AACS: variants seen among roughly 807,000 people sequenced by gnomAD.
The protein encoded by AACS is acetoacetyl-CoA synthetase.
In AACS, 69 loss-of-function variants were observed where a neutral mutation model predicts 83.1. That is an observed-to-expected ratio of 0.83 (90% CI 0.68 to 1.01). The LOEUF (loss-of-function observed/expected upper bound fraction) is 1.01, where lower values mean the gene tolerates loss of function less well. AACS is among the 50% of genes least tolerant of loss of function. The pLI is 0.00. For missense variants in AACS, 866 were observed against 882.2 expected, an observed-to-expected ratio of 0.98 and a Z score of 0.23; for synonymous variants, 333 against 343.4, an observed-to-expected ratio of 0.97 and a Z score of 0.33.
At chr12:125,105,407 G>A (rs534520910) in intron 7 of AACS, 2 of 152,208 alleles carry the variant, frequency 1.3e-5, no homozygotes, top group East Asian at 1.9e-4. Context: ...GGACCCTGCC[G>A]ACCTTAATAA....
chr12:125,086,376 G>A lies in AACS; in HGVS notation c.405G>A (p.Arg135=), dbSNP rs1956339600. The change falls in exon 4 of 18, where the codon AGG becomes AGA. Residue 135 remains arginine, a synonymous_variant. Transcript: ENST00000316519. ...EIVKVTFEEL[R]QEVALFAAAM... The stretch of plus-strand genomic sequence containing the variant: ...TGAAGGTGACTTTTGAAGAGCTGAG[G>A]CAAGAAGTGGCTTTGTTTGCAGCAG... 3 of 1,614,100 alleles carry A rather than the reference G, an allele frequency of 1.9e-6. No individual in the cohort carries two copies. The highest frequency in any genetic ancestry group is 1.7e-5 in the Admixed American group (1 of 60,006).
intron 14 of AACS, among the ~76,000 whole-genome samples, chr12:125,133,215 G>A (rs1046242186): frequency 6.6e-6 from 1 of 152,186 alleles, no homozygotes; most frequent in Non-Finnish European, 1.5e-5. Context: ...CTGCTCCCTT[G>A]GTGACTCTCT....
chr12:125,096,175 A>G lies in AACS; in HGVS notation c.570+4652A>G, dbSNP rs1214249375. ...GAGACGGGGTTTCACCATGTTAGCC[A>G]GGCTGGTCTCGATCTCCTGACCTCG... On this transcript the variant is annotated intron_variant, in intron 5 of 17. Transcript: ENST00000316519. Among the ~76,000 whole-genome samples the G allele has an allele frequency of 2.0e-5, 3 of 152,312 alleles. 1 individual carries two copies. The highest frequency in any genetic ancestry group is 1.3e-4 in the Admixed American group (2 of 15,306).
chr12:125,088,681 C>A (rs1034941628), intron 4 of AACS, among the ~76,000 whole-genome samples: 1 of 152,154 alleles, frequency 6.6e-6, no homozygotes, highest in Non-Finnish European at 1.5e-5. Flanking sequence ...TTAAAAAAAT[C>A]TTTTGAAGCA....
chr12:125,082,806 G>C (rs1474044132), intron 3 of AACS, among the ~76,000 whole-genome samples: 1 of 152,112 alleles, frequency 6.6e-6, no homozygotes, highest in African/African-American at 2.4e-5. Flanking sequence ...GGGTGACAGA[G>C]CGAGACTCTG....
rs753261331 is a variant in AACS, at chr12:125,086,434, C to T, written c.463C>T (p.Arg155Trp). Residue 155 changes from arginine to tryptophan, a missense_variant, in exon 4 of 18, where the codon CGG becomes TGG. By Grantham distance (101) the Arg-to-Trp change is moderately radical. Coordinates refer to ENST00000316519, the MANE Select transcript of AACS (RefSeq NM_023928.5). ...MRKMGVKKGDRVVGYLPNSEH... is the reference protein window; with the variant it reads ...MRKMGVKKGDWVVGYLPNSEH... ...GAAAATGGGTGTGAAGAAAGGAGATCGGGTTGTTGGTAAGTATTTTGGGTG... is the reference window on the plus strand; with the variant it reads ...GAAAATGGGTGTGAAGAAAGGAGATTGGGTTGTTGGTAAGTATTTTGGGTG... 1.4e-5 allele frequency: 23 copies of T among 1,613,844 alleles called. No homozygotes were observed. The highest frequency in any genetic ancestry group is 8.9e-5 in the East Asian group (4 of 44,880).
intron 1 of AACS, among the ~76,000 whole-genome samples, chr12:125,072,120 G>A (rs965394691): frequency 6.6e-6 from 1 of 150,654 alleles, no homozygotes; most frequent in African/African-American, 2.4e-5. Flanking sequence ...GCCTCCCAAA[G>A]GGTTGGGATT....
intron 6 of AACS, 22 bp downstream of exon 6, chr12:125,102,815 C>A: frequency 6.2e-7 from 1 of 1,605,818 alleles, no homozygotes; most frequent in South Asian, 1.1e-5. Context: ...TTCCGGCTCC[C>A]AGCCGGCATG....
intron 4 of AACS, among the ~76,000 whole-genome samples, chr12:125,090,544 A>T (rs1400013145): frequency 6.7e-6 from 1 of 149,616 alleles, no homozygotes; most frequent in Non-Finnish European, 1.5e-5. Flanking sequence ...TTCACTCATT[A>T]TCCATTCATC....
At chr12:125,079,693 CCTTT>C (rs1956121242) in intron 3 of AACS, among the ~76,000 whole-genome samples, 3 of 152,130 alleles carry the variant, frequency 2.0e-5, no homozygotes, top group Non-Finnish European at 4.4e-5. Flanking sequence ...CCAGCCAGCT[CCTTT>C]CTTCCAATTA....
At chr12:125,087,890 C>T (rs1438080292) in intron 4 of AACS, among the ~76,000 whole-genome samples, 1 of 152,216 alleles carries the variant, frequency 6.6e-6, no homozygotes, top group East Asian at 1.9e-4. Flanking sequence ...CCGGCTGCCT[C>T]CTGTCTCAGC....
chr12:125,126,397 T>A (rs1957245371), intron 12 of AACS: 1 of 152,158 alleles, frequency 6.6e-6, no homozygotes, highest in African/African-American at 2.4e-5. Flanking sequence ...GAAGCCGACG[T>A]CGTTCCCTTC....
chr12:125,075,109 G>A (rs1222762262), intron 2 of AACS, among the ~76,000 whole-genome samples: 1 of 151,578 alleles, frequency 6.6e-6, no homozygotes, highest in African/African-American at 2.4e-5. Context: ...CGAGTAGCTG[G>A]GATTACAGGC....
intron 3 of AACS, 135 bp downstream of exon 3, chr12:125,076,746 G>A: frequency 5.7e-6 from 8 of 1,401,308 alleles, no homozygotes; most frequent in Non-Finnish European, 7.7e-6. Flanking sequence ...TAAGATTTCT[G>A]TCGACTTTAT....
At chr12:125,109,195 G>A (rs1200390374) in intron 8 of AACS, among the ~76,000 whole-genome samples, 2 of 150,960 alleles carry the variant, frequency 1.3e-5, no homozygotes, top group Admixed American at 6.6e-5. Flanking sequence ...GCAGTGGCGT[G>A]ATCATGGCTC....
Position 125,090,508 on chromosome 12 carries a change from C to G in AACS, c.473-918C>G, listed in dbSNP as rs551145429. Reference sequence around the variant, plus strand: ...CTCTACCTACCCATTCACCCATCTTCCATCTCTCCATCCACTCATCTATCC... The same window carrying G: ...CTCTACCTACCCATTCACCCATCTTGCATCTCTCCATCCACTCATCTATCC... On this transcript the variant is annotated intron_variant, in intron 4 of 17. Transcript: ENST00000316519. 2.6e-5 allele frequency among the ~76,000 whole-genome samples: 4 copies of G among 152,212 alleles called. No homozygotes were observed. In the South Asian group the frequency reaches 6.2e-4, roughly 24 times the overall value.
intron 10 of AACS, chr12:125,120,135 T>C (rs963753676): frequency 6.6e-6 from 1 of 152,136 alleles, no homozygotes; most frequent in African/African-American, 2.4e-5. Flanking sequence ...GGTGTAGTGG[T>C]CCCTGCTCCC....
At chr12:125,087,473 G>A (rs1000617053) in intron 4 of AACS, among the ~76,000 whole-genome samples, 11 of 152,246 alleles carry the variant, frequency 7.2e-5, no homozygotes, top group African/African-American at 2.7e-4. Flanking sequence ...TGTGTACATG[G>A]GGATGAGCAG....
chr12:125,089,801 C>T (rs954004242), intron 4 of AACS, among the ~76,000 whole-genome samples: 1 of 151,902 alleles, frequency 6.6e-6, no homozygotes, highest in African/African-American at 2.4e-5. Context: ...CCATCATCTA[C>T]CCATCCATCC....
Sources: gnomAD v4.1 joint callset for allele counts (sites outside exome capture counted in the v4.1 genomes callset) on GRCh38, gnomAD v4.1.1 for gene constraint, MANE v1.5 for transcripts, NCBI Gene and HGNC (gene_info 2026-07-23, HGNC 2026-07-21) for gene names.